The following JAKMIP1 variants were observed in gnomAD, a reference collection of about 807,000 sequenced individuals.
JAKMIP1 encodes the protein janus kinase and microtubule-interacting protein 1.
A neutral mutation model predicts 113.0 loss-of-function variants in JAKMIP1; 33 were observed. The observed-to-expected ratio is 0.29, with a 90% CI of 0.22 to 0.39. The LOEUF (loss-of-function observed/expected upper bound fraction) is 0.39. Among genes scored for constraint, JAKMIP1 ranks in the 10% least tolerant of loss-of-function variants. The probability of loss-of-function intolerance (pLI) is 1.00; values close to 1 mark genes in which losing one functional copy is unlikely to be tolerated. For synonymous variants in JAKMIP1, 480 were observed against 459.9 expected (o/e 1.04, Z -0.56); for missense variants, 813 against 1,080.5 (o/e 0.75, Z 3.47).
At chr4:6,096,568 C>G (rs751697966) in intron 3 of JAKMIP1, among the ~76,000 whole-genome samples, 7 of 152,166 alleles carry the variant, frequency 4.6e-5, no homozygotes, top group Non-Finnish European at 7.3e-5. Flanking sequence ...ATTTTCAGAT[C>G]CCATTGGACA....
chr4:6,093,980 A>C lies in JAKMIP1; in HGVS notation c.625-8351T>G, dbSNP rs1205307760. 1.3e-5 allele frequency among the ~76,000 whole-genome samples: 2 copies of C among 151,592 alleles called. No homozygotes were observed. Among genetic ancestry groups the C allele is most frequent in the Non-Finnish European group, 2.9e-5 (2 of 67,908 alleles). ...GCAGTCCCCAGATGTCCTGCCCTTC[A>C]CCTCCCAAGCAGAGATCACATGGGA... On this transcript the variant is annotated intron_variant, in intron 3 of 20. Coordinates refer to ENST00000409021, the MANE Select transcript of JAKMIP1 (RefSeq NM_001099433.2). This position sits in a 1 kb window ranked among gnomAD's most constrained non-coding sequence, Gnocchi z 4.6.
intron 1 of JAKMIP1, among the ~76,000 whole-genome samples, chr4:6,177,389 T>A (rs1029629081): frequency 6.6e-6 from 1 of 152,150 alleles, no homozygotes; most frequent in South Asian, 2.1e-4. Context: ...CTCTAATTAC[T>A]CTGGGCCTCA....
intron 8 of JAKMIP1, among the ~76,000 whole-genome samples, chr4:6,066,825 G>A (rs564864316): frequency 1.3e-5 from 2 of 152,172 alleles, no homozygotes; most frequent in Non-Finnish European, 2.9e-5. Context: ...GGCTACAAGT[G>A]GTCTGCGAGG....
intron 17 of JAKMIP1, among the ~76,000 whole-genome samples, chr4:6,041,661 C>A (rs1231950466): frequency 2.0e-5 from 3 of 152,204 alleles, no homozygotes; most frequent in African/African-American, 7.2e-5. Flanking sequence ...CATCCCACAA[C>A]CCAGCAAAGC....
At chr4:6,037,952 A>G (rs1713753549) in intron 18 of JAKMIP1, among the ~76,000 whole-genome samples, 1 of 122,138 alleles carries the variant, frequency 8.2e-6, no homozygotes, top group African/African-American at 3.8e-5. Context: ...AGGTTAACCC[A>G]GTAGCCCTCC....
intron 1 of JAKMIP1, among the ~76,000 whole-genome samples, chr4:6,170,258 CTCACCACCACCACCACCA>C (rs1178051739): frequency 6.3e-4 from 87 of 137,678 alleles, no homozygotes; most frequent in African/African-American, 2.2e-3. Flanking sequence ...CCCCACCCTT[CTCACCACCACCACCACCA>C]TCACCACCAC....
intron 5 of JAKMIP1, among the ~76,000 whole-genome samples, chr4:6,083,878 C>A (rs1393521236): frequency 1.3e-5 from 2 of 151,998 alleles, no homozygotes; most frequent in Non-Finnish European, 2.9e-5. Context: ...TCTATTTTTA[C>A]TGGAGATTTC....
At chr4:6,104,245 T>C (rs1288610585) in intron 3 of JAKMIP1, among the ~76,000 whole-genome samples, 3 of 152,204 alleles carry the variant, frequency 2.0e-5, no homozygotes, top group African/African-American at 7.2e-5. Context: ...AATCATGTCT[T>C]TATTCATTCT....
At chr4:6,126,241 CCATGGAGAA>C (rs1717568761) in intron 1 of JAKMIP1, among the ~76,000 whole-genome samples, 1 of 143,798 alleles carries the variant, frequency 7.0e-6, no homozygotes, top group African/African-American at 2.6e-5. Context: ...CAAACACACA[CCATGGAGAA>C]ACACACACAC....
rs533001310 is a variant in JAKMIP1, at chr4:6,081,329, C to T, written c.1101+280G>A. 1.1e-4 allele frequency among the ~76,000 whole-genome samples: 17 copies of T among 152,256 alleles called. No homozygotes were observed. The South Asian group carries it at 2.9e-3, about 26-fold the overall frequency. On this transcript the variant is annotated intron_variant, in intron 6 of 20. Transcript: ENST00000409021. This position sits in a 1 kb window ranked among gnomAD's most constrained non-coding sequence, Gnocchi z 4.6. ...ATCCTCCAGTGTGGATATTTTCATT[C>T]CCATTTTATGCATGAAGAAACAGAG... is the stretch of plus-strand genomic sequence containing the variant.
chr4:6,131,691 C>G (rs1369380096), intron 1 of JAKMIP1, among the ~76,000 whole-genome samples: 2 of 152,226 alleles, frequency 1.3e-5, no homozygotes, highest in African/African-American at 4.8e-5. Context: ...GATGGTGCCA[C>G]TGCACTCCAG....
intron 8 of JAKMIP1, among the ~76,000 whole-genome samples, chr4:6,074,120 C>G (rs1251253423): frequency 6.6e-6 from 1 of 152,242 alleles, no homozygotes; most frequent in Non-Finnish European, 1.5e-5. Context: ...CCAATCTTGT[C>G]CCTGGAGGAG....
intron 1 of JAKMIP1, among the ~76,000 whole-genome samples, chr4:6,144,526 T>A (rs1337631920): frequency 3.3e-5 from 5 of 152,180 alleles, no homozygotes; most frequent in Non-Finnish European, 7.3e-5. Context: ...AAGAACTATA[T>A]GCCATGAGCA....
At position 6,089,863 on chromosome 4, in the gene JAKMIP1, C is replaced by T. The variant is rs1037893798; in HGVS notation, c.625-4234G>A. Among the ~76,000 whole-genome samples, 4 of 152,144 alleles carry T rather than the reference C, an allele frequency of 2.6e-5. No individual in the cohort carries two copies. The highest frequency in any genetic ancestry group is 9.7e-5 in the African/African-American group (4 of 41,426). ...AATGTCACCTTACTTCGAAATAGGG[C>T]CTTTGCAGATGAAATGAAGATGCAA... On this transcript the variant is annotated intron_variant, in intron 3 of 20. Coordinates refer to ENST00000409021, the MANE Select transcript of JAKMIP1 (RefSeq NM_001099433.2). The surrounding 1 kb of genome is among the most constrained non-coding windows in gnomAD (Gnocchi z 5.3).
intron 1 of JAKMIP1, among the ~76,000 whole-genome samples, chr4:6,128,451 C>T (rs963041811): frequency 6.6e-6 from 1 of 151,860 alleles, no homozygotes; most frequent in Non-Finnish European, 1.5e-5. Context: ...GGACCAGGAG[C>T]GGGGAGGGAG....
chr4:6,032,689 AAACAAAAC>A (rs1712887545), intron 19 of JAKMIP1, among the ~76,000 whole-genome samples: 1 of 147,678 alleles, frequency 6.8e-6, no homozygotes, highest in Non-Finnish European at 1.5e-5. Context: ...AAACAAAACA[AAACAAAAC>A]AAAGCAAAAC....
At chr4:6,172,450 C>T (rs1443785581) in intron 1 of JAKMIP1, among the ~76,000 whole-genome samples, 1 of 152,216 alleles carries the variant, frequency 6.6e-6, no homozygotes, top group South Asian at 2.1e-4. Flanking sequence ...CCATGCTGCT[C>T]CAGCTCTGGC....
At position 6,188,721 on chromosome 4, in the gene JAKMIP1, T is replaced by C. The variant is rs1056589412; in HGVS notation, c.-148+11532A>G. Reference sequence around the variant, plus strand: ...CAATTTTTAATATCCTATCCAGCAATAAGACTTGTTTGTGTCTTCAGTCTG... The same window carrying C: ...CAATTTTTAATATCCTATCCAGCAACAAGACTTGTTTGTGTCTTCAGTCTG... On this transcript the variant is annotated intron_variant, in intron 1 of 20. Coordinates refer to ENST00000409021, the MANE Select transcript of JAKMIP1 (RefSeq NM_001099433.2). The surrounding 1 kb of genome is among the most constrained non-coding windows in gnomAD (Gnocchi z 5.8). Among the ~76,000 whole-genome samples the C allele has an allele frequency of 2.6e-5, 4 of 152,174 alleles. No homozygotes were observed. The highest frequency in any genetic ancestry group is 9.7e-5 in the African/African-American group (4 of 41,438).
chr4:6,071,383 G>A (rs1370738431), intron 8 of JAKMIP1, among the ~76,000 whole-genome samples: 1 of 152,120 alleles, frequency 6.6e-6, no homozygotes, highest in Non-Finnish European at 1.5e-5. Flanking sequence ...CTGCAATCTG[G>A]AACCTTTGCC....
Sources: allele counts gnomAD v4.1 joint callset (sites outside exome capture counted in the v4.1 genomes callset), GRCh38; gene constraint gnomAD v4.1.1; non-coding constraint Gnocchi (gnomAD v3.1); transcripts MANE v1.5; gene names NCBI Gene and HGNC (gene_info 2026-07-23, HGNC 2026-07-21).